Variants in ANKHD1 observed in about 807,000 individuals in gnomAD.
ANKHD1 encodes the protein ankyrin repeat and KH domain containing 1.
A neutral mutation model predicts 230.5 loss-of-function variants in ANKHD1; 31 were observed. The observed-to-expected ratio is 0.13, with a 90% CI of 0.10 to 0.18. ANKHD1 has a LOEUF of 0.18. Among genes scored for constraint, ANKHD1 ranks in the 10% least tolerant of loss-of-function variants. The probability of loss-of-function intolerance (pLI) is 1.00; values close to 1 mark genes in which losing one functional copy is unlikely to be tolerated. For synonymous variants in ANKHD1, 1,074 were observed against 1,117.6 expected, an observed-to-expected ratio of 0.96 and a Z score of 0.78; for missense variants, 2,256 against 3,071.3, an observed-to-expected ratio of 0.73 and a Z score of 6.27.
chr5:140,502,083 A>G (rs1406129856), intron 15 of ANKHD1, among the ~76,000 whole-genome samples: 1 of 151,600 alleles, frequency 6.6e-6, no homozygotes, highest in Non-Finnish European at 1.5e-5. Context: ...AATTTGAATT[A>G]TATATAGATG....
chr5:140,466,377 G>A lies in ANKHD1; in HGVS notation c.1782+1601G>A, dbSNP rs567739431. 8.3e-4 allele frequency among the ~76,000 whole-genome samples: 114 copies of A among 136,742 alleles called. 1 individual carries two copies. Among genetic ancestry groups the A allele is most frequent in the Middle Eastern group, 3.7e-3 (1 of 268 alleles). 89.7% of individuals were successfully genotyped at this position (136,742 alleles called of 152,430 possible). On this transcript the variant is annotated intron_variant, in intron 10 of 33. Coordinates refer to ENST00000360839, the MANE Select transcript of ANKHD1 (RefSeq NM_017747.3). Reference sequence around the variant, plus strand: ...TTGCACTCCAGCCTGGGCAACAAGAGCAAAAACGCCATCTCAAAAAAAAAA... The same window carrying A: ...TTGCACTCCAGCCTGGGCAACAAGAACAAAAACGCCATCTCAAAAAAAAAA...
intron 29 of ANKHD1, among the ~76,000 whole-genome samples, 189 bp from the exon 30 acceptor site, chr5:140,535,173 A>G (rs3733681): frequency 0.6 from 91,167 of 152,052 alleles, 29,288 homozygotes; most frequent in East Asian, 0.83. Context: ...TAAGGAAAAA[A>G]TGGATTTGGC....
At chr5:140,437,738 A>G (rs1174919360) in intron 2 of ANKHD1, among the ~76,000 whole-genome samples, 1 of 152,166 alleles carries the variant, frequency 6.6e-6, no homozygotes, top group Non-Finnish European at 1.5e-5. Context: ...TTTGACAACT[A>G]TTATTAAATT....
Position 140,529,358 on chromosome 5 carries a change from C to T in ANKHD1, c.6412C>T (p.Gln2138Ter), listed in dbSNP as rs762004130. ...AGCACCTCGAGTTTCTCATCGAATGCAGCCCAGAGGTTCTTTTTACTCCAT... is the reference window on the plus strand; with the variant it reads ...AGCACCTCGAGTTTCTCATCGAATGTAGCCCAGAGGTTCTTTTTACTCCAT... ...VPAPRVSHRM[Q>*]PRGSFYSMVP... Residue 2138 changes from glutamine (Q) to a stop codon, truncating the protein, a stop_gained, in exon 29 of 34, where the codon CAG becomes TAG. Coordinates refer to ENST00000360839, the MANE Select transcript of ANKHD1 (RefSeq NM_017747.3). LOFTEE classifies it high-confidence loss of function. The T allele has an allele frequency of 6.2e-7, 1 of 1,614,210 alleles. No individual in the cohort carries two copies. The highest frequency in any genetic ancestry group is 1.1e-5 in the South Asian group (1 of 91,086).
Position 140,441,149 on chromosome 5 carries a change from A to G in ANKHD1, c.913+7A>G, listed in dbSNP as rs199675809. The G allele has an allele frequency of 6.4e-7, 1 of 1,561,900 alleles. No individual in the cohort carries two copies. The highest frequency in any genetic ancestry group is 1.4e-5 in the African/African-American group (1 of 72,124). On this transcript the variant is annotated splice_region_variant and intron_variant, in intron 5 of 33. Transcript: ENST00000360839. The stretch of plus-strand genomic sequence containing the variant: ...AACTCCCAGTCTGCAACAGGTATGT[A>G]GAAAATGATGTATTAATTGGGAGAA...
intron 24 of ANKHD1, among the ~76,000 whole-genome samples, chr5:140,520,705 C>A (rs1182408068): frequency 6.8e-6 from 1 of 147,504 alleles, no homozygotes. Flanking sequence ...CGCATATTCT[C>A]ACTCATAGGT....
chr5:140,473,175 C>T (rs891544984), intron 10 of ANKHD1, among the ~76,000 whole-genome samples: 3 of 151,460 alleles, frequency 2.0e-5, no homozygotes, highest in Non-Finnish European at 2.9e-5. Flanking sequence ...ATTACAGGCG[C>T]GTGCCACCGT....
intron 30 of ANKHD1, among the ~76,000 whole-genome samples, chr5:140,536,187 A>G (rs1754063215): frequency 6.6e-6 from 1 of 152,174 alleles, no homozygotes; most frequent in South Asian, 2.1e-4. Flanking sequence ...TCTGCCTCCC[A>G]GGCTCAAGCG....
chr5:140,414,683 A>G (rs1231320952), intron 1 of ANKHD1, among the ~76,000 whole-genome samples: 1 of 152,052 alleles, frequency 6.6e-6, no homozygotes, highest in African/African-American at 2.4e-5. Flanking sequence ...GTAAAAAAAA[A>G]TTAGCCAGGC....
chr5:140,470,299 A>G (rs939136458), intron 10 of ANKHD1, among the ~76,000 whole-genome samples: 12 of 151,978 alleles, frequency 7.9e-5, no homozygotes, highest in Non-Finnish European at 1.8e-4. Context: ...GAAGACTTTA[A>G]TAAGTCATAG....
At position 140,417,996 on chromosome 5, in the gene ANKHD1, C is replaced by T. The variant is rs749123412; in HGVS notation, c.306+15723C>T. Among the ~76,000 whole-genome samples the T allele has an allele frequency of 5.9e-5, 9 of 151,674 alleles. No homozygotes were observed. The South Asian group carries it at 8.3e-4, about 14-fold the overall frequency. Reference sequence around the variant, plus strand: ...CTGGGATTACAGGTGCCTGCCACCACGCCCGGCTAGTTTTTTTGTATTTTT... The same window carrying T: ...CTGGGATTACAGGTGCCTGCCACCATGCCCGGCTAGTTTTTTTGTATTTTT... On this transcript the variant is annotated intron_variant, in intron 1 of 33. Coordinates refer to ENST00000360839, the MANE Select transcript of ANKHD1 (RefSeq NM_017747.3).
In ANKHD1 at chr5:140,434,418, T is replaced by C. The variant is rs140260834; in HGVS notation, c.307-1686T>C. 2.3e-4 allele frequency among the ~76,000 whole-genome samples: 34 copies of C among 149,920 alleles called. No homozygotes were observed. The East Asian group carries it at 5.4e-3, about 24-fold the overall frequency. On this transcript the variant is annotated intron_variant, in intron 1 of 33. Coordinates refer to ENST00000360839, the MANE Select transcript of ANKHD1 (RefSeq NM_017747.3). ...TTGCATATTACAGTAATATATATAGTATATATATTATCTGTATATTATACA... is the reference window on the plus strand; with the variant it reads ...TTGCATATTACAGTAATATATATAGCATATATATTATCTGTATATTATACA...
At chr5:140,405,625 TTTTG>T (rs1286056372) in intron 1 of ANKHD1, among the ~76,000 whole-genome samples, 1 of 152,090 alleles carries the variant, frequency 6.6e-6, no homozygotes, top group African/African-American at 2.4e-5. Flanking sequence ...TTCCTAAATA[TTTTG>T]TTTATTTTTA....
intron 14 of ANKHD1, among the ~76,000 whole-genome samples, chr5:140,489,006 A>G (rs1211508041): frequency 1.3e-5 from 2 of 152,120 alleles, no homozygotes; most frequent in African/African-American, 2.4e-5. Flanking sequence ...CCTGGGCAAC[A>G]TGGCGAAACC....
At position 140,506,178 on chromosome 5, in the gene ANKHD1, G is replaced by A. The variant is rs561097113; in HGVS notation, c.3408+309G>A. Among the ~76,000 whole-genome samples, 4 of 152,248 alleles carry A rather than the reference G, an allele frequency of 2.6e-5. No individual in the cohort carries two copies. The highest frequency in any genetic ancestry group is 4.4e-5 in the Non-Finnish European group (3 of 68,022). On this transcript the variant is annotated intron_variant, in intron 18 of 33. Coordinates refer to ENST00000360839, the MANE Select transcript of ANKHD1 (RefSeq NM_017747.3). This position sits in a 1 kb window ranked among gnomAD's most constrained non-coding sequence, Gnocchi z 4.7. Reference sequence around the variant, plus strand: ...TGGCCTCAAGCAATCCTCTCTCCTCGGCCTCCCAAAGTACAGGGATTATAG... The same window carrying A: ...TGGCCTCAAGCAATCCTCTCTCCTCAGCCTCCCAAAGTACAGGGATTATAG...
At chr5:140,481,923 A>G (rs1374613674) in intron 10 of ANKHD1, among the ~76,000 whole-genome samples, 1 of 152,076 alleles carries the variant, frequency 6.6e-6, no homozygotes, top group Non-Finnish European at 1.5e-5. Flanking sequence ...CCATATAAGC[A>G]AGCTCCTTTT....
In ANKHD1 at chr5:140,497,855, G is replaced by A. The variant is rs529797693; in HGVS notation, c.3004+577G>A. Among the ~76,000 whole-genome samples the A allele has an allele frequency of 2.7e-5, 4 of 146,328 alleles. No individual in the cohort carries two copies. In the South Asian group the frequency reaches 8.8e-4, roughly 32 times the overall value. ...GGATTTTTGCATTAACTTTCTTAATGAAAGCACACAACCACACCACACCAC... is the reference window on the plus strand; with the variant it reads ...GGATTTTTGCATTAACTTTCTTAATAAAAGCACACAACCACACCACACCAC... On this transcript the variant is annotated intron_variant, in intron 15 of 33. Coordinates refer to ENST00000360839, the MANE Select transcript of ANKHD1 (RefSeq NM_017747.3).
At chr5:140,427,617 C>T (rs1365686616) in intron 1 of ANKHD1, among the ~76,000 whole-genome samples, 6 of 145,438 alleles carry the variant, frequency 4.1e-5, no homozygotes, top group South Asian at 4.4e-4. Context: ...CCACCTCCCT[C>T]CCGGACGGGG....
chr5:140,424,806 ACT>A (rs1268249256), intron 1 of ANKHD1, among the ~76,000 whole-genome samples: 2 of 152,092 alleles, frequency 1.3e-5, no homozygotes, highest in African/African-American at 4.8e-5. Flanking sequence ...TTTTAGTTAC[ACT>A]CTGTTGTTTA....
Sources: gnomAD v4.1 joint callset for allele counts (sites outside exome capture counted in the v4.1 genomes callset) on GRCh38, gnomAD v4.1.1 for gene constraint, Gnocchi (gnomAD v3.1) non-coding constraint, MANE v1.5 for transcripts, NCBI Gene and HGNC (gene_info 2026-07-23, HGNC 2026-07-21) for gene names.